ACTR3C: variants seen among roughly 807,000 people sequenced by gnomAD.
ACTR3C encodes the protein actin-related protein 3C.
ACTR3C carries 18 observed loss-of-function variants against 26.3 expected under a neutral mutation model. The observed-to-expected ratio is 0.68, with a 90% CI of 0.47 to 1.01. ACTR3C has a LOEUF of 1.01. ACTR3C is among the 50% of genes least tolerant of loss of function. ACTR3C has a pLI of 0.00. For synonymous variants in ACTR3C, 55 were observed against 94.5 expected (o/e 0.58, Z 2.42); for missense variants, 184 against 250.7 (o/e 0.73, Z 1.80).
At chr7:149,953,251 A>G in the ACTR3C span, among the ~76,000 whole-genome samples, 3 of 149,634 alleles carry the variant, frequency 2.0e-5, no homozygotes, top group Non-Finnish European at 4.4e-5. Flanking sequence ...TTAAATAAAC[A>G]TAGAGCTAAG....
At chr7:150,220,969 C>T in the ACTR3C span, among the ~76,000 whole-genome samples, 3 of 152,292 alleles carry the variant, frequency 2.0e-5, no homozygotes, top group Non-Finnish European at 4.4e-5. Context: ...GCCAAATCTT[C>T]CCGGGATGGT....
At chr7:150,032,264 G>A in the ACTR3C span, among the ~76,000 whole-genome samples, 1 of 152,236 alleles carries the variant, frequency 6.6e-6, no homozygotes, top group South Asian at 2.1e-4. Flanking sequence ...GGAGGTGACA[G>A]CATTAGAATG....
At chr7:150,082,691 C>T in the ACTR3C span, among the ~76,000 whole-genome samples, 1 of 152,172 alleles carries the variant, frequency 6.6e-6, no homozygotes, top group African/African-American at 2.4e-5. Context: ...GCCCTGCACT[C>T]TGCCAGAGAA....
At chr7:150,319,578 A>G (rs1797286075) in intron 1 of ACTR3C, among the ~76,000 whole-genome samples, 1 of 152,220 alleles carries the variant, frequency 6.6e-6, no homozygotes, top group Non-Finnish European at 1.5e-5. Flanking sequence ...AGGAAGAGTT[A>G]GGGCAGGATG....
the ACTR3C span, among the ~76,000 whole-genome samples, chr7:150,095,494 C>T: frequency 2.0e-5 from 3 of 150,740 alleles, no homozygotes; most frequent in Non-Finnish European, 4.4e-5. Flanking sequence ...AAGATGAAAT[C>T]TGAAAAATAG....
At chr7:150,178,600 T>A in the ACTR3C span, among the ~76,000 whole-genome samples, 77,120 of 150,016 alleles carry the variant, frequency 0.51, 21,410 homozygotes, top group East Asian at 0.71. Flanking sequence ...ACATTTTTAA[T>A]ATGAGTTGAG....
chr7:150,014,175 G>A, the ACTR3C span, among the ~76,000 whole-genome samples: 1 of 152,064 alleles, frequency 6.6e-6, no homozygotes, highest in Non-Finnish European at 1.5e-5. Flanking sequence ...ATAGGCATAG[G>A]CCGGGCACGG....
At chr7:150,080,547 G>GTGTT in the ACTR3C span, among the ~76,000 whole-genome samples, 1 of 151,952 alleles carries the variant, frequency 6.6e-6, no homozygotes, top group Non-Finnish European at 1.5e-5. Context: ...GTGTGTGTGT[G>GTGTT]TGTGTGTGTG....
At chr7:149,999,938 AAATAT>A in the ACTR3C span, among the ~76,000 whole-genome samples, 4 of 151,956 alleles carry the variant, frequency 2.6e-5, no homozygotes, top group Non-Finnish European at 5.9e-5. Flanking sequence ...TTGTTGTTAT[AAATAT>A]AATTGATGTT....
chr7:150,121,041 A>G, the ACTR3C span, among the ~76,000 whole-genome samples: 1 of 152,204 alleles, frequency 6.6e-6, no homozygotes, highest in African/African-American at 2.4e-5. Context: ...ACACCCCCTC[A>G]TGCTAAAAAC....
chr7:149,908,345 A>G, the ACTR3C span, among the ~76,000 whole-genome samples: 464 of 152,304 alleles, frequency 3.0e-3, 5 homozygotes, highest in African/African-American at 0.011. Context: ...CAGCAGACCA[A>G]TCATGCCTGT....
At chr7:150,065,785 A>C in the ACTR3C span, among the ~76,000 whole-genome samples, 2 of 150,738 alleles carry the variant, frequency 1.3e-5, no homozygotes, top group African/African-American at 2.4e-5. Flanking sequence ...GGGTATTTTG[A>C]ATCCAACCAA....
chr7:150,220,996 A>C, the ACTR3C span, among the ~76,000 whole-genome samples: 5 of 152,234 alleles, frequency 3.3e-5, no homozygotes, highest in African/African-American at 9.6e-5. Context: ...GTGGCATAAG[A>C]GGTTTTGCCA....
At chr7:150,198,969 G>T in the ACTR3C span, among the ~76,000 whole-genome samples, 1 of 135,608 alleles carries the variant, frequency 7.4e-6, no homozygotes, top group African/African-American at 3.1e-5. Flanking sequence ...CGCCCCGTCC[G>T]GGAGGGAGGT....
chr7:149,996,928 G>T, the ACTR3C span, among the ~76,000 whole-genome samples: 29 of 150,176 alleles, frequency 1.9e-4, no homozygotes, highest in Non-Finnish European at 3.3e-4. Flanking sequence ...CCGGGGCCAC[G>T]CCAGCACCAT....
At chr7:150,035,727 C>G in the ACTR3C span, among the ~76,000 whole-genome samples, 17 of 136,956 alleles carry the variant, frequency 1.2e-4, 1 homozygote, top group South Asian at 3.8e-3. Context: ...TGAAGATGGT[C>G]TGGCTCTCAG....
the ACTR3C span, among the ~76,000 whole-genome samples, chr7:150,085,825 C>A: frequency 6.6e-6 from 1 of 152,090 alleles, no homozygotes; most frequent in Non-Finnish European, 1.5e-5. Context: ...TCTTTAGAAC[C>A]AGGATTGCTG....
the ACTR3C span, among the ~76,000 whole-genome samples, chr7:150,042,398 T>C: frequency 7.0e-6 from 1 of 142,698 alleles, no homozygotes; most frequent in Non-Finnish European, 1.5e-5. Context: ...GAAGAGGGGC[T>C]CGCTCTCAGT....
the ACTR3C span, among the ~76,000 whole-genome samples, chr7:149,908,506 A>G: frequency 6.6e-6 from 1 of 152,184 alleles, no homozygotes; most frequent in African/African-American, 2.4e-5. Flanking sequence ...GAATACCCAC[A>G]TTCACCAAAT....
Sources: allele counts gnomAD v4.1 joint callset (sites outside exome capture counted in the v4.1 genomes callset), GRCh38; gene constraint gnomAD v4.1.1; transcripts MANE v1.5; gene names NCBI Gene and HGNC (gene_info 2026-07-23, HGNC 2026-07-21).